TMEM170B: variants seen among roughly 807,000 people sequenced by gnomAD.
TMEM170B encodes transmembrane protein 170B.
Under a neutral mutation model 13.0 loss-of-function variants are expected in TMEM170B, and 6 were observed. The ratio of observed to expected loss-of-function variants is 0.46; its 90% CI spans 0.25 to 0.91. TMEM170B has a LOEUF of 0.91. Among genes scored for constraint, TMEM170B ranks in the 40% least tolerant of loss-of-function variants. The pLI, the probability that TMEM170B is intolerant of heterozygous loss-of-function variation, is 0.17. For synonymous variants in TMEM170B, 61 were observed against 64.9 expected (o/e 0.94, Z 0.29); for missense variants, 138 against 165.2 (o/e 0.84, Z 0.90).
chr6:11,567,690 A>G (rs930661404), intron 2 of TMEM170B, among the ~76,000 whole-genome samples: 11 of 152,184 alleles, frequency 7.2e-5, no homozygotes, highest in African/African-American at 1.9e-4. Flanking sequence ...TAATTTGATG[A>G]TATGGATGGT....
rs966295776 is a variant in TMEM170B, at chr6:11,538,000, C to A, written c.-278C>A. The stretch of plus-strand genomic sequence containing the variant: ...TCCGCCCCGAGTCCTCGCTCGGGGG[C>A]CGCGCGAGGACGGCGCCCGGCCCCC... On this transcript the variant is annotated 5_prime_UTR_variant, in exon 1 of 3. Transcript: ENST00000379426. Among the ~76,000 whole-genome samples the A allele has an allele frequency of 2.6e-5, 4 of 151,182 alleles. No homozygotes were observed. The highest frequency in any genetic ancestry group is 5.9e-5 in the Non-Finnish European group (4 of 67,584).
At chr6:11,557,012 C>T (rs1582142016) in intron 1 of TMEM170B, among the ~76,000 whole-genome samples, 2 of 152,142 alleles carry the variant, frequency 1.3e-5, no homozygotes, top group African/African-American at 2.4e-5. Flanking sequence ...CACTTGCAAG[C>T]GAGTGTGCAT....
At chr6:11,572,566 G>A (rs757256556) in intron 2 of TMEM170B, among the ~76,000 whole-genome samples, 16 of 151,998 alleles carry the variant, frequency 1.1e-4, no homozygotes, top group Non-Finnish European at 2.2e-4. Flanking sequence ...GGGTGTTTTA[G>A]GCAAGTTAGG....
intron 1 of TMEM170B, among the ~76,000 whole-genome samples, chr6:11,550,234 G>T (rs552519695): frequency 6.6e-6 from 1 of 150,790 alleles, no homozygotes; most frequent in Admixed American, 6.6e-5. Context: ...GTGCTGTGGC[G>T]CAGTCTTGGC....
chr6:11,570,829 A>C (rs1349604760), intron 2 of TMEM170B, among the ~76,000 whole-genome samples: 1 of 152,268 alleles, frequency 6.6e-6, no homozygotes, highest in Non-Finnish European at 1.5e-5. Flanking sequence ...TGCAAAGATA[A>C]TTCAGTATCA....
chr6:11,545,961 G>A (rs909304020), intron 1 of TMEM170B, among the ~76,000 whole-genome samples: 6 of 145,546 alleles, frequency 4.1e-5, no homozygotes, highest in Admixed American at 1.4e-4. Context: ...GCAGTGAGCC[G>A]AGATTGCACC....
At chr6:11,565,897 T>C (rs1759726171) in intron 2 of TMEM170B, 61 bp downstream of exon 2, 1 of 1,510,936 alleles carries the variant, frequency 6.6e-7, no homozygotes, top group African/African-American at 1.4e-5. Context: ...TTTTGGTAGC[T>C]GTGTTCTTAT....
rs1413969265 is a variant in TMEM170B, at chr6:11,580,649, CT to C, written c.*5091del. 6.6e-6 allele frequency: 1 copy of C among 152,178 alleles called. No homozygotes were observed. The highest frequency in any genetic ancestry group is 2.4e-5 in the African/African-American group (1 of 41,440). The allele number at this position is 152,178 out of a possible 1,614,324, so 9.4% of individuals were successfully genotyped here. On this transcript the variant is annotated 3_prime_UTR_variant, in exon 3 of 3. Transcript: ENST00000379426. ...ACCAATAATCAAATGGTTTTATAATCTTTCTTAACTTCCCGTCCTTGTTATA... is the reference window on the plus strand; with the variant it reads ...ACCAATAATCAAATGGTTTTATAATCTTCTTAACTTCCCGTCCTTGTTATA...
At position 11,579,275 on chromosome 6, in the gene TMEM170B, G is replaced by T. The variant is rs1759920749; in HGVS notation, c.*3714G>T. The T allele has an allele frequency of 2.0e-5, 3 of 152,146 alleles. No homozygotes were observed. Among genetic ancestry groups the T allele is most frequent in the Non-Finnish European group, 4.4e-5 (3 of 68,032 alleles). 9.4% of individuals were successfully genotyped at this position (152,146 alleles called of 1,614,324 possible). On this transcript the variant is annotated 3_prime_UTR_variant, in exon 3 of 3. Coordinates refer to ENST00000379426, the MANE Select transcript of TMEM170B (RefSeq NM_001100829.3). ...AGATTGAATTAAGACTCTGTCACTT[G>T]TCAACTTTTTGACCTTGAGCAAATC...
At chr6:11,540,896 A>C (rs955556207) in intron 1 of TMEM170B, among the ~76,000 whole-genome samples, 2 of 152,194 alleles carry the variant, frequency 1.3e-5, no homozygotes, top group Non-Finnish European at 2.9e-5. Flanking sequence ...ACATTGATCT[A>C]CTTGGACATC....
intron 1 of TMEM170B, among the ~76,000 whole-genome samples, chr6:11,558,684 C>A (rs1237179228): frequency 6.6e-6 from 1 of 152,154 alleles, no homozygotes; most frequent in Non-Finnish European, 1.5e-5. Context: ...TTTAAAAATT[C>A]ACGTGTGGCG....
rs1379591797 is a variant in TMEM170B, at chr6:11,580,961, T to C, written c.*5400T>C. On this transcript the variant is annotated 3_prime_UTR_variant, in exon 3 of 3. Coordinates refer to ENST00000379426, the MANE Select transcript of TMEM170B (RefSeq NM_001100829.3). Reference sequence around the variant, plus strand: ...TTTGCTCTTCTCACTTAAGGAGCTCTGGTCTGTGTAGGCAGTACAGTGTTG... The same window carrying C: ...TTTGCTCTTCTCACTTAAGGAGCTCCGGTCTGTGTAGGCAGTACAGTGTTG... The C allele has an allele frequency of 1.3e-5, 2 of 152,214 alleles. No homozygotes were observed. The highest frequency in any genetic ancestry group is 2.9e-5 in the Non-Finnish European group (2 of 68,030). The allele number at this position is 152,214 out of a possible 1,614,324, so 9.4% of individuals were successfully genotyped here.
At chr6:11,570,424 A>G (rs1328772461) in intron 2 of TMEM170B, among the ~76,000 whole-genome samples, 1 of 152,196 alleles carries the variant, frequency 6.6e-6, no homozygotes, top group African/African-American at 2.4e-5. Flanking sequence ...GGGTTAAGGC[A>G]GAAGAGTAAA....
rs772433985 is a variant in TMEM170B at position 11,575,589 on chromosome 6, A to C, written c.*28A>C. 1 of 1,610,828 alleles carries C rather than the reference A, an allele frequency of 6.2e-7. No homozygotes were observed. The highest frequency in any genetic ancestry group is 1.7e-5 in the Admixed American group (1 of 59,886). On this transcript the variant is annotated 3_prime_UTR_variant, in exon 3 of 3. Coordinates refer to ENST00000379426, the MANE Select transcript of TMEM170B (RefSeq NM_001100829.3). The surrounding 1 kb of genome is among the most constrained non-coding windows in gnomAD (Gnocchi z 4.1). ...TTTCTGTGGGAATGTCTTACTTCACATAAGGAAACAGATGTACAGATTCCC... is the reference window on the plus strand; with the variant it reads ...TTTCTGTGGGAATGTCTTACTTCACCTAAGGAAACAGATGTACAGATTCCC...
intron 1 of TMEM170B, among the ~76,000 whole-genome samples, chr6:11,546,777 C>G (rs1759447067): frequency 1.3e-5 from 2 of 152,184 alleles, no homozygotes; most frequent in South Asian, 4.1e-4. Context: ...CTTATACCAT[C>G]TAGGTTTGTG....
At chr6:11,560,975 CTATTTCTAG>C (rs1345291627) in intron 1 of TMEM170B, among the ~76,000 whole-genome samples, 1 of 152,114 alleles carries the variant, frequency 6.6e-6, no homozygotes, top group East Asian at 1.9e-4. Context: ...GGGAGCAGAG[CTATTTCTAG>C]TATTGTTTGG....
intron 2 of TMEM170B, among the ~76,000 whole-genome samples, chr6:11,571,210 G>A (rs1759797193): frequency 1.4e-5 from 2 of 146,288 alleles, no homozygotes; most frequent in Admixed American, 1.4e-4. Flanking sequence ...TTTAGAGATA[G>A]AGTCTGGCTC....
chr6:11,571,488 C>T (rs1016996783), intron 2 of TMEM170B, among the ~76,000 whole-genome samples: 6 of 152,144 alleles, frequency 3.9e-5, no homozygotes, highest in South Asian at 2.1e-4. Context: ...ATTTTACTCA[C>T]CTTCAGATCA....
At chr6:11,538,447 G>A in intron 1 of TMEM170B, 73 bp downstream of exon 1, 1 of 1,160,222 alleles carries the variant, frequency 8.6e-7, no homozygotes, top group South Asian at 1.5e-5. Flanking sequence ...CTCGGGAGGG[G>A]ACACGCTCCT....
Sources: gnomAD v4.1 joint callset for allele counts (sites outside exome capture counted in the v4.1 genomes callset) on GRCh38, gnomAD v4.1.1 for gene constraint, Gnocchi (gnomAD v3.1) non-coding constraint, MANE v1.5 for transcripts, NCBI Gene and HGNC (gene_info 2026-07-23, HGNC 2026-07-21) for gene names.